TTC4: variants seen among roughly 807,000 people sequenced by gnomAD.
The protein encoded by TTC4 is hsp70/Hsp90 co-chaperone CNS1 homolog.
In TTC4, 36 loss-of-function variants were observed where a neutral mutation model predicts 51.9. The observed-to-expected ratio is 0.69, with a 90% CI of 0.53 to 0.92. The LOEUF is 0.92. Among genes scored for constraint, TTC4 ranks in the 40% least tolerant of loss-of-function variants. The probability of loss-of-function intolerance (pLI) is 0.00; values close to 1 mark genes in which losing one functional copy is unlikely to be tolerated. For missense variants in TTC4, 399 were observed against 454.6 expected (o/e 0.88, Z 1.11); for synonymous variants, 144 against 164.2 (o/e 0.88, Z 0.94).
intron 7 of TTC4, 132 bp from the exon 8 acceptor site, chr1:54,733,497 G>A (rs2101350240): frequency 2.0e-6 from 1 of 493,384 alleles, no homozygotes; most frequent in Non-Finnish European, 3.5e-6. Context: ...TTGGGGTACT[G>A]CTGTCAAATG....
chr1:54,717,348 T>G, intron 2 of TTC4, 144 bp from the exon 3 acceptor site: 2 of 655,526 alleles, frequency 3.1e-6, no homozygotes, highest in Non-Finnish European at 4.5e-6. Flanking sequence ...GATACCCACT[T>G]TTATCATAAC....
chr1:54,721,250 G>A lies in TTC4; in HGVS notation c.469+10G>A. 6.2e-7 allele frequency: 1 copy of A among 1,612,402 alleles called. No individual in the cohort carries two copies. Among genetic ancestry groups the A allele is most frequent in the African/African-American group, 1.3e-5 (1 of 74,986 alleles). On this transcript the variant is annotated intron_variant, in intron 4 of 9. Transcript: ENST00000371281. ...AAAGCAATAATAAGAGGTAAGTCTT[G>A]TGGAACTACAGTATGACATTTAAAG...
intron 8 of TTC4, among the ~76,000 whole-genome samples, chr1:54,736,219 A>C (rs1317164993): frequency 8.9e-6 from 1 of 112,430 alleles, no homozygotes; most frequent in Non-Finnish European, 1.8e-5. Context: ...AGAGAGAGAG[A>C]GAGAAGAGGA....
intron 6 of TTC4, 39 bp from the exon 7 acceptor site, chr1:54,731,447 G>A: frequency 6.3e-7 from 1 of 1,594,370 alleles, no homozygotes; most frequent in Non-Finnish European, 8.6e-7. Context: ...CACACAATAA[G>A]ATGTGCATTA....
chr1:54,716,549 T>C (rs1431980362), intron 1 of TTC4, 51 bp from the exon 2 acceptor site: 1 of 1,430,100 alleles, frequency 7.0e-7, no homozygotes, highest in African/African-American at 1.4e-5. Flanking sequence ...TGGAATTGGA[T>C]CTGCTCAGTA....
chr1:54,733,746 AAT>A, intron 8 of TTC4, 36 bp downstream of exon 8: 4 of 1,078,842 alleles, frequency 3.7e-6, no homozygotes, highest in Non-Finnish European at 3.9e-6. Context: ...CTATGGAATT[AAT>A]TTTTTTTTTT....
rs751443844 is a variant in TTC4, at chr1:54,725,996, G to A, written c.595-2350G>A. Among the ~76,000 whole-genome samples, 6 of 152,270 alleles carry A rather than the reference G, an allele frequency of 3.9e-5. 1 individual carries two copies. In the South Asian group the frequency reaches 8.3e-4, roughly 21 times the overall value. Reference sequence around the variant, plus strand: ...TGATGCCATCAAGCATACCAACAAAGGCATAGTGGGGGTCCTAGAAGGAGA... The same window carrying A: ...TGATGCCATCAAGCATACCAACAAAAGCATAGTGGGGGTCCTAGAAGGAGA... On this transcript the variant is annotated intron_variant, in intron 5 of 9. Transcript: ENST00000371281.
At chr1:54,725,724 T>TA (rs1470264239) in intron 5 of TTC4, among the ~76,000 whole-genome samples, 1 of 152,054 alleles carries the variant, frequency 6.6e-6, no homozygotes, top group African/African-American at 2.4e-5. Flanking sequence ...TCTAAAGAAC[T>TA]AAAAAAAGTA....
chr1:54,733,843 C>A, intron 8 of TTC4, 133 bp downstream of exon 8: 1 of 583,344 alleles, frequency 1.7e-6, no homozygotes. Context: ...TAATATTTAC[C>A]ATTTTAACCA....
rs568822325 is a variant in TTC4, at chr1:54,731,487, C to A, written c.683C>A (p.Ala228Asp). The A allele has an allele frequency of 1.2e-6, 2 of 1,613,828 alleles. No individual in the cohort carries two copies. Among genetic ancestry groups the A allele is most frequent in the Middle Eastern group, 1.7e-4 (1 of 6,056 alleles). Residue 228 changes from alanine to aspartate, a missense_variant and splice_region_variant, in exon 7 of 10, where the codon GCT becomes GAT. This residue lies in a region of TTC4 where 316 missense variants were observed against 349.6 expected (regional missense o/e 0.90). Coordinates refer to ENST00000371281, the MANE Select transcript of TTC4 (RefSeq NM_004623.5). ...TGTGTGTTTCTGTCTTTAACCCAGGCTAGGAATATCAGGCTCTCAGAAGCT... is the reference window on the plus strand; with the variant it reads ...TGTGTGTTTCTGTCTTTAACCCAGGATAGGAATATCAGGCTCTCAGAAGCT... The part of the protein sequence containing the change: ...QNEALLQAIK[A>D]RNIRLSEAAC...
At chr1:54,733,783 G>C in intron 8 of TTC4, 73 bp downstream of exon 8, 1 of 984,418 alleles carries the variant, frequency 1.0e-6, no homozygotes, top group Non-Finnish European at 1.5e-6. Flanking sequence ...TGCGGCGGGG[G>C]AAGCAGTCTG....
At chr1:54,741,228 G>A (rs1340383963) in intron 9 of TTC4, among the ~76,000 whole-genome samples, 183 bp from the exon 10 acceptor site, 5 of 152,308 alleles carry the variant, frequency 3.3e-5, no homozygotes, top group Admixed American at 6.5e-5. Flanking sequence ...TTCTGGCTAG[G>A]TTGTAAGGAT....
intron 6 of TTC4, among the ~76,000 whole-genome samples, chr1:54,729,730 T>TG (rs1353030260): frequency 6.6e-6 from 1 of 151,548 alleles, no homozygotes; most frequent in African/African-American, 2.4e-5. Flanking sequence ...GGGATAGGTT[T>TG]TTTTTTTTTT....
intron 3 of TTC4, among the ~76,000 whole-genome samples, chr1:54,718,814 CA>C (rs1473487006): frequency 1.3e-5 from 2 of 151,538 alleles, no homozygotes; most frequent in African/African-American, 4.9e-5. Flanking sequence ...TTAATTGAGA[CA>C]GGGGTCTCGC....
chr1:54,733,779 G>A (rs537488013), intron 8 of TTC4, 69 bp downstream of exon 8: 269 of 990,472 alleles, frequency 2.7e-4, no homozygotes, highest in Admixed American at 9.8e-4. Context: ...TTTTTGCGGC[G>A]GGGGAAGCAG....
intron 5 of TTC4, among the ~76,000 whole-genome samples, chr1:54,727,112 G>A (rs12057843): frequency 0.12 from 17,993 of 148,698 alleles, 1,792 homozygotes; most frequent in African/African-American, 0.27. Context: ...CAAAACATAC[G>A]ACAGAGCTAC....
intron 5 of TTC4, among the ~76,000 whole-genome samples, chr1:54,724,268 C>CT (rs200907562): frequency 0.072 from 10,442 of 145,032 alleles, 486 homozygotes; most frequent in African/African-American, 0.14. Flanking sequence ...AGCTTTTTTT[C>CT]TTTTTTTTTT....
At chr1:54,736,175 GGAGAGAGAGAGAGA>G (rs11292044) in intron 8 of TTC4, among the ~76,000 whole-genome samples, 34,723 of 100,538 alleles carry the variant, frequency 0.35, 5,934 homozygotes, top group East Asian at 0.59. Context: ...AAGAAAGAAA[GGAGAGAGAGAGAGA>G]GAGAGAGAGA....
chr1:54,736,267 A>T (rs1485244912), intron 8 of TTC4, among the ~76,000 whole-genome samples: 4,840 of 120,056 alleles, frequency 0.04, 628 homozygotes, highest in African/African-American at 0.11. Flanking sequence ...AGAGAGAGAG[A>T]GAGACCATGA....
Sources: gnomAD v4.1 joint callset for allele counts (sites outside exome capture counted in the v4.1 genomes callset) on GRCh38, gnomAD v4.1.1 for gene constraint, gnomAD v4.1.1 regional missense constraint, MANE v1.5 for transcripts, NCBI Gene and HGNC (gene_info 2026-07-23, HGNC 2026-07-21) for gene names.